LRP1B: variants seen among roughly 807,000 people sequenced by gnomAD.
LRP1B encodes the protein LDL receptor related protein 1B, also known as low-density lipoprotein receptor-related protein 1B.
LRP1B carries 217 observed loss-of-function variants against 556.6 expected under a neutral mutation model. That is an observed-to-expected ratio of 0.39 (90% confidence interval 0.35 to 0.44). The LOEUF (loss-of-function observed/expected upper bound fraction) is 0.44, where lower values mean the gene tolerates loss of function less well. Among genes scored for constraint, LRP1B ranks in the 20% least tolerant of loss-of-function variants. The pLI is 1.00. For missense variants in LRP1B, 5,053 were observed against 5,620.8 expected (o/e 0.90, Z 3.23); for synonymous variants, 2,047 against 1,865.8 (o/e 1.10, Z -2.50).
At chr2:141,567,095 T>A (rs1686359025) in intron 2 of LRP1B, among the ~76,000 whole-genome samples, 1 of 152,154 alleles carries the variant, frequency 6.6e-6, no homozygotes, top group African/African-American at 2.4e-5. Context: ...CAGTTATAAT[T>A]CTATTGTGTT....
chr2:140,868,345 G>T, intron 25 of LRP1B, 82 bp from the exon 26 acceptor site: 3 of 1,277,134 alleles, frequency 2.3e-6, no homozygotes, highest in Non-Finnish European at 3.2e-6. Context: ...CCTACCATAT[G>T]CTAGGCACTG....
At chr2:141,302,492 A>G (rs1200127596) in intron 3 of LRP1B, among the ~76,000 whole-genome samples, 1 of 152,130 alleles carries the variant, frequency 6.6e-6, no homozygotes, top group Non-Finnish European at 1.5e-5. Context: ...AATATAGAAC[A>G]GCCCTATTGT....
chr2:141,543,366 T>G (rs192324744), intron 2 of LRP1B, among the ~76,000 whole-genome samples: 1,990 of 147,724 alleles, frequency 0.013, 18 homozygotes, highest in Admixed American at 0.017. Context: ...AAAAAAAAAA[T>G]TATTCAGGCA....
chr2:141,319,128 T>C (rs1325460252), intron 3 of LRP1B, among the ~76,000 whole-genome samples: 1 of 152,028 alleles, frequency 6.6e-6, no homozygotes, highest in East Asian at 1.9e-4. Flanking sequence ...TTCTAGCAAA[T>C]AAGGACTATA....
chr2:141,474,421 C>A (rs1465681552), intron 3 of LRP1B, among the ~76,000 whole-genome samples: 1 of 118,080 alleles, frequency 8.5e-6, no homozygotes, highest in African/African-American at 3.0e-5. Flanking sequence ...TTTTTTTTAG[C>A]ACTTTTCATA....
intron 7 of LRP1B, among the ~76,000 whole-genome samples, chr2:141,096,414 C>T (rs1361396545): frequency 6.6e-6 from 1 of 152,020 alleles, no homozygotes; most frequent in East Asian, 1.9e-4. Context: ...ATGGTGAAAC[C>T]CCGTCTCTAC....
intron 72 of LRP1B, among the ~76,000 whole-genome samples, chr2:140,360,768 G>T (rs1357512964): frequency 6.6e-6 from 1 of 151,358 alleles, no homozygotes. Flanking sequence ...CACTCTCCTA[G>T]GACGTTGTTT....
At chr2:141,744,887 T>G (rs1473769900) in intron 2 of LRP1B, among the ~76,000 whole-genome samples, 1 of 152,198 alleles carries the variant, frequency 6.6e-6, no homozygotes, top group Non-Finnish European at 1.5e-5. Context: ...ATCTAAGCCG[T>G]ATTTGCATTA....
chr2:140,994,705 C>T (rs1021817698), intron 15 of LRP1B, among the ~76,000 whole-genome samples: 1 of 151,850 alleles, frequency 6.6e-6, no homozygotes, highest in Non-Finnish European at 1.5e-5. Flanking sequence ...TATATTAAAA[C>T]ATTATGTTGT....
chr2:141,574,909 G>A (rs1686677213), intron 2 of LRP1B, among the ~76,000 whole-genome samples: 1 of 151,942 alleles, frequency 6.6e-6, no homozygotes, highest in East Asian at 1.9e-4. Context: ...GGATGTGAAG[G>A]GCCTCTTCAA....
chr2:140,523,489 T>A (rs1310668574), intron 49 of LRP1B, among the ~76,000 whole-genome samples: 1 of 151,766 alleles, frequency 6.6e-6, no homozygotes, highest in African/African-American at 2.4e-5. Flanking sequence ...ACAAGGATGC[T>A]CACTCTCACC....
intron 43 of LRP1B, among the ~76,000 whole-genome samples, chr2:140,542,865 A>C (rs1292873266): frequency 6.6e-6 from 1 of 152,148 alleles, no homozygotes; most frequent in African/African-American, 2.4e-5. Context: ...AAGTGCGTGC[A>C]CATGTGTGCG....
At chr2:140,851,893 T>C (rs917848945) in intron 27 of LRP1B, 110 bp from the exon 28 acceptor site, 6 of 822,996 alleles carry the variant, frequency 7.3e-6, no homozygotes, top group Admixed American at 5.7e-5. Context: ...GTTTCCTACA[T>C]AGAACCCATT....
chr2:140,769,371 G>T (rs768847363), intron 34 of LRP1B, 27 bp from the exon 35 acceptor site: 19 of 1,566,776 alleles, frequency 1.2e-5, no homozygotes, highest in Non-Finnish European at 1.6e-5. Flanking sequence ...AGATAAGGGG[G>T]GGAAGGGAAG....
chr2:141,309,125 A>AGGATTCTCT (rs1686714747), intron 3 of LRP1B, among the ~76,000 whole-genome samples: 1 of 152,208 alleles, frequency 6.6e-6, no homozygotes, highest in South Asian at 2.1e-4. Flanking sequence ...AGATACTGCC[A>AGGATTCTCT]GGATTCTCTG....
At chr2:141,133,988 T>C (rs2105034450) in intron 7 of LRP1B, among the ~76,000 whole-genome samples, 1 of 151,914 alleles carries the variant, frequency 6.6e-6, no homozygotes, top group South Asian at 2.1e-4. Flanking sequence ...CATAGAACAA[T>C]ACATGCATAC....
intron 7 of LRP1B, among the ~76,000 whole-genome samples, chr2:141,141,686 T>G (rs923376047): frequency 7.9e-5 from 12 of 152,284 alleles, no homozygotes; most frequent in African/African-American, 2.9e-4. Context: ...TAATCTTTGC[T>G]TATAAGACAA....
chr2:141,863,984 T>C (rs951962205), intron 1 of LRP1B, among the ~76,000 whole-genome samples: 2 of 152,212 alleles, frequency 1.3e-5, no homozygotes, highest in African/African-American at 2.4e-5. Flanking sequence ...GATGTAAGCA[T>C]ACAATTTTAG....
At chr2:140,461,960 A>T (rs1294571553) in intron 60 of LRP1B, among the ~76,000 whole-genome samples, 3 of 152,364 alleles carry the variant, frequency 2.0e-5, no homozygotes, top group Middle Eastern at 3.4e-3. Flanking sequence ...TTTACAGAGT[A>T]ACATGAGCTT....
Sources: allele counts gnomAD v4.1 joint callset (sites outside exome capture counted in the v4.1 genomes callset), GRCh38; gene constraint gnomAD v4.1.1; transcripts MANE v1.5; gene names NCBI Gene and HGNC (gene_info 2026-07-23, HGNC 2026-07-21).